The following MFHAS1 variants were observed in gnomAD, a reference collection of about 807,000 sequenced individuals.
MFHAS1 encodes the protein multifunctional ROCO family signaling regulator 1, also known as malignant fibrous histiocytoma-amplified sequence 1.
In MFHAS1, 50 loss-of-function variants were observed where a neutral mutation model predicts 70.4. The ratio of observed to expected loss-of-function variants is 0.71; its 90% CI spans 0.57 to 0.90. MFHAS1 has a LOEUF of 0.90. MFHAS1 is among the 40% of genes least tolerant of loss of function. The pLI, the probability that MFHAS1 is intolerant of heterozygous loss-of-function variation, is 0.00. For synonymous variants in MFHAS1, 952 were observed against 620.0 expected, an observed-to-expected ratio of 1.54 and a Z score of -7.96; for missense variants, 1,795 against 1,347.6, an observed-to-expected ratio of 1.33 and a Z score of -5.20.
At chr8:8,852,623 G>T (rs558665004) in intron 1 of MFHAS1, among the ~76,000 whole-genome samples, 2 of 152,022 alleles carry the variant, frequency 1.3e-5, no homozygotes, top group Admixed American at 6.6e-5. Context: ...GGACACCATC[G>T]CCCTTCATTA....
At chr8:8,875,248 G>C (rs531332604) in intron 1 of MFHAS1, among the ~76,000 whole-genome samples, 17 of 152,112 alleles carry the variant, frequency 1.1e-4, no homozygotes, top group Admixed American at 1.1e-3. Flanking sequence ...TTTTTATAAA[G>C]AAATACAGTC....
At chr8:8,847,542 T>C (rs1016772366) in intron 1 of MFHAS1, among the ~76,000 whole-genome samples, 1 of 152,180 alleles carries the variant, frequency 6.6e-6, no homozygotes, top group Non-Finnish European at 1.5e-5. Context: ...CAGGATCTAC[T>C]TGACAAAAGA....
intron 1 of MFHAS1, among the ~76,000 whole-genome samples, chr8:8,848,504 G>T (rs1808116784): frequency 6.6e-6 from 1 of 152,080 alleles, no homozygotes; most frequent in Admixed American, 6.5e-5. Context: ...CACGTAAAGG[G>T]CAAACGGCTC....
rs1004288663 is a variant in MFHAS1 at position 8,783,630 on chromosome 8, G to A, written c.*2392C>T. The A allele has an allele frequency of 2.0e-5, 3 of 152,040 alleles. No homozygotes were observed. The highest frequency in any genetic ancestry group is 6.6e-5 in the Admixed American group (1 of 15,266). 9.4% of individuals were successfully genotyped at this position (152,040 alleles called of 1,614,324 possible). A position where few individuals can be genotyped will look rare whatever the true frequency, so the allele number is the denominator to read the frequency against. The stretch of plus-strand genomic sequence containing the variant: ...TTTGACAATTCCAGGAAGTGGTTTT[G>A]ATACCACAAGTTGCAGGAATAGAAA... On this transcript the variant is annotated 3_prime_UTR_variant, in exon 3 of 3. Transcript: ENST00000276282.
intron 1 of MFHAS1, among the ~76,000 whole-genome samples, chr8:8,814,368 G>A (rs751143442): frequency 6.6e-6 from 1 of 152,206 alleles, no homozygotes; most frequent in Non-Finnish European, 1.5e-5. Flanking sequence ...TGTAGCCCAA[G>A]AGCAATAGGC....
intron 1 of MFHAS1, among the ~76,000 whole-genome samples, chr8:8,876,623 C>T (rs1349482699): frequency 3.3e-5 from 5 of 151,948 alleles, no homozygotes; most frequent in Admixed American, 6.5e-5. Context: ...GTGATCCTCC[C>T]GCCTCGGCCT....
At chr8:8,853,593 G>A (rs1378950658) in intron 1 of MFHAS1, among the ~76,000 whole-genome samples, 1 of 152,040 alleles carries the variant, frequency 6.6e-6, no homozygotes, top group African/African-American at 2.4e-5. Flanking sequence ...TTGAGATGGA[G>A]TCTTGTTCTG....
intron 1 of MFHAS1, among the ~76,000 whole-genome samples, chr8:8,860,690 G>A (rs989146913): frequency 4.6e-5 from 7 of 152,142 alleles, no homozygotes; most frequent in African/African-American, 1.7e-4. Flanking sequence ...AGGACTGAGG[G>A]CTCCACGCAT....
intron 1 of MFHAS1, among the ~76,000 whole-genome samples, chr8:8,830,684 C>G (rs1457092665): frequency 1.3e-5 from 2 of 152,170 alleles, no homozygotes; most frequent in African/African-American, 4.8e-5. Context: ...CTCAGTGCAA[C>G]CTCCGCCACC....
chr8:8,873,420 C>T (rs1013361063), intron 1 of MFHAS1, among the ~76,000 whole-genome samples: 2 of 151,480 alleles, frequency 1.3e-5, no homozygotes, highest in Non-Finnish European at 2.9e-5. Flanking sequence ...TAAATATATA[C>T]GTCATTAAGT....
intron 2 of MFHAS1, among the ~76,000 whole-genome samples, chr8:8,791,631 A>G (rs1028058533): frequency 1.3e-5 from 2 of 152,212 alleles, no homozygotes; most frequent in African/African-American, 2.4e-5. Flanking sequence ...CTCAACCTGA[A>G]GAGTAGCTGG....
chr8:8,840,186 GT>G (rs1807760090), intron 1 of MFHAS1, among the ~76,000 whole-genome samples: 1 of 152,224 alleles, frequency 6.6e-6, no homozygotes, highest in Non-Finnish European at 1.5e-5. Flanking sequence ...GCCGGGCACA[GT>G]GACTCACGCC....
intron 2 of MFHAS1, among the ~76,000 whole-genome samples, chr8:8,795,184 C>G (rs1217993411): frequency 2.0e-5 from 3 of 151,830 alleles, no homozygotes; most frequent in Non-Finnish European, 4.4e-5. Flanking sequence ...TCCCCTTGAG[C>G]TTTAAGAACT....
chr8:8,800,029 T>C (rs988432027), intron 1 of MFHAS1, among the ~76,000 whole-genome samples: 2 of 152,176 alleles, frequency 1.3e-5, no homozygotes, highest in Admixed American at 6.5e-5. Context: ...CCCTTACTCT[T>C]TGCCCCCAGG....
At chr8:8,856,887 G>A (rs796564775) in intron 1 of MFHAS1, among the ~76,000 whole-genome samples, 1 of 139,560 alleles carries the variant, frequency 7.2e-6, no homozygotes, top group African/African-American at 2.7e-5. Flanking sequence ...TGCCCTAGAA[G>A]CCACTAGGAT....
intron 1 of MFHAS1, among the ~76,000 whole-genome samples, chr8:8,854,050 G>A (rs770271603): frequency 6.6e-6 from 1 of 152,126 alleles, no homozygotes; most frequent in Non-Finnish European, 1.5e-5. Context: ...TGATTTAGGA[G>A]CAAAAAATCC....
In MFHAS1 at chr8:8,784,820, G is replaced by A. The variant is rs1212338763; in HGVS notation, c.*1202C>T. On this transcript the variant is annotated 3_prime_UTR_variant, in exon 3 of 3. Coordinates refer to ENST00000276282, the MANE Select transcript of MFHAS1 (RefSeq NM_004225.3). ...ATGCTGTTTGGCCCAATTAAAAGTAGAATGGAGAGCAATTTGTTTGGTTGG... is the reference window on the plus strand; with the variant it reads ...ATGCTGTTTGGCCCAATTAAAAGTAAAATGGAGAGCAATTTGTTTGGTTGG... 6.6e-6 allele frequency: 1 copy of A among 152,226 alleles called. No individual in the cohort carries two copies. The highest frequency in any genetic ancestry group is 2.4e-5 in the African/African-American group (1 of 41,448). The allele number at this position is 152,226 out of a possible 1,614,324, so 9.4% of individuals were successfully genotyped here.
intron 1 of MFHAS1, among the ~76,000 whole-genome samples, chr8:8,882,542 G>A (rs1036741414): frequency 2.0e-5 from 3 of 152,176 alleles, no homozygotes; most frequent in East Asian, 1.9e-4. Context: ...AACCCGGGAA[G>A]CAGACGTTGC....
At chr8:8,870,128 A>G (rs1486255227) in intron 1 of MFHAS1, among the ~76,000 whole-genome samples, 15 of 152,106 alleles carry the variant, frequency 9.9e-5, no homozygotes. Flanking sequence ...CTTCTGGTGA[A>G]AAAGTGTTAG....
Sources: gnomAD v4.1 joint callset for allele counts (sites outside exome capture counted in the v4.1 genomes callset) on GRCh38, gnomAD v4.1.1 for gene constraint, MANE v1.5 for transcripts, NCBI Gene and HGNC (gene_info 2026-07-23, HGNC 2026-07-21) for gene names.